NRXN1: variants seen among roughly 807,000 people sequenced by gnomAD.
NRXN1 encodes the protein neurexin-1.
NRXN1 carries 39 observed loss-of-function variants against 150.9 expected under a neutral mutation model. The observed-to-expected ratio is 0.26, with a 90% CI of 0.20 to 0.34. NRXN1 has a LOEUF of 0.34. NRXN1 is among the 10% of genes least tolerant of loss of function. The pLI is 1.00. For synonymous variants in NRXN1, 924 were observed against 757.0 expected (o/e 1.22, Z -3.62); for missense variants, 1,815 against 1,949.9 (o/e 0.93, Z 1.30).
intron 18 of NRXN1, among the ~76,000 whole-genome samples, chr2:50,121,188 A>AT (rs1053220994): frequency 2.0e-5 from 3 of 151,842 alleles, no homozygotes; most frequent in African/African-American, 4.8e-5. Flanking sequence ...AACCTAGCTA[A>AT]TTTTTTGTAT....
chr2:50,324,565 C>T (rs146509344), intron 17 of NRXN1, among the ~76,000 whole-genome samples: 1 of 152,158 alleles, frequency 6.6e-6, no homozygotes, highest in African/African-American at 2.4e-5. Flanking sequence ...TTATTTGAGA[C>T]GGAGTCTCGC....
intron 19 of NRXN1, among the ~76,000 whole-genome samples, chr2:50,072,146 G>C (rs1278724574): frequency 6.6e-6 from 1 of 152,124 alleles, no homozygotes; most frequent in East Asian, 1.9e-4. Context: ...TTTTCTTGAA[G>C]AAAACAAAGT....
At chr2:49,927,808 T>C (rs1669364432) in intron 22 of NRXN1, among the ~76,000 whole-genome samples, 1 of 152,162 alleles carries the variant, frequency 6.6e-6, no homozygotes, top group Non-Finnish European at 1.5e-5. Flanking sequence ...ATCACTCAAA[T>C]TGTCATTTTT....
chr2:50,538,233 C>A lies in NRXN1; in HGVS notation c.2143+20G>T. On this transcript the variant is annotated intron_variant, in intron 10 of 22. Coordinates refer to ENST00000401669, the MANE Select transcript of NRXN1 (RefSeq NM_001330078.2). ...ACTTTTCATCTCAGGGAGTTGGCTG[C>A]TGGGGTTTTAGAATCCTACCTCTCT... 1.9e-6 allele frequency: 3 copies of A among 1,597,214 alleles called. No homozygotes were observed. The highest frequency in any genetic ancestry group is 1.7e-4 in the Middle Eastern group (1 of 5,884).
rs190062865 is a variant in NRXN1, at chr2:50,760,062, T to C, written c.833-136447A>G. ...CACTTCAAGAAACTCTATTTAGTGGTGACTGCACATAGTTCATTTTTTAAA... is the reference window on the plus strand; with the variant it reads ...CACTTCAAGAAACTCTATTTAGTGGCGACTGCACATAGTTCATTTTTTAAA... On this transcript the variant is annotated intron_variant, in intron 5 of 22. Transcript: ENST00000401669. Among the ~76,000 whole-genome samples the C allele has an allele frequency of 1.8e-3, 270 of 152,020 alleles. 1 individual carries two copies. The highest frequency in any genetic ancestry group is 0.015 in the Admixed American group (225 of 15,234).
intron 2 of NRXN1, among the ~76,000 whole-genome samples, chr2:51,020,870 A>T (rs757189974): frequency 3.3e-5 from 5 of 152,090 alleles, no homozygotes; most frequent in Non-Finnish European, 7.4e-5. Flanking sequence ...CATGGTACTC[A>T]TTCCAGTATT....
intron 5 of NRXN1, among the ~76,000 whole-genome samples, chr2:50,725,862 T>TG (rs1697295381): frequency 6.6e-6 from 1 of 152,142 alleles, no homozygotes; most frequent in Non-Finnish European, 1.5e-5. Flanking sequence ...TTCAAGATAA[T>TG]ATTTGTAAAA....
chr2:50,424,357 T>C (rs2084308365), intron 17 of NRXN1, among the ~76,000 whole-genome samples: 2 of 132,414 alleles, frequency 1.5e-5, no homozygotes, highest in Non-Finnish European at 1.5e-5. Context: ...AAATAAATTT[T>C]GGGAGAGAAA....
intron 12 of NRXN1, among the ~76,000 whole-genome samples, chr2:50,519,234 A>G (rs1426805734): frequency 6.6e-6 from 1 of 151,956 alleles, no homozygotes; most frequent in Non-Finnish European, 1.5e-5. Context: ...ATTATTAGCT[A>G]AACCCTTCTT....
chr2:50,525,521 T>C (rs1478316217), intron 12 of NRXN1, among the ~76,000 whole-genome samples: 1 of 152,166 alleles, frequency 6.6e-6, no homozygotes, highest in Admixed American at 6.5e-5. Context: ...TTGCAGCCCA[T>C]GGATTTGGAA....
chr2:50,475,494 T>C (rs528014007), intron 15 of NRXN1, among the ~76,000 whole-genome samples: 1 of 152,242 alleles, frequency 6.6e-6, no homozygotes, highest in South Asian at 2.1e-4. Flanking sequence ...AATCCCTATG[T>C]TTTTCTATTA....
At chr2:50,859,036 T>C (rs1462060860) in intron 5 of NRXN1, among the ~76,000 whole-genome samples, 1 of 152,154 alleles carries the variant, frequency 6.6e-6, no homozygotes, top group African/African-American at 2.4e-5. Flanking sequence ...AATGGCATTA[T>C]TCTTTCATTA....
chr2:50,494,149 A>C (rs2091425620), intron 15 of NRXN1, among the ~76,000 whole-genome samples: 1 of 152,220 alleles, frequency 6.6e-6, no homozygotes, highest in Non-Finnish European at 1.5e-5. Context: ...GAAGAAATAC[A>C]ATCCATTGTC....
intron 18 of NRXN1, among the ~76,000 whole-genome samples, chr2:50,152,465 T>C (rs2058752530): frequency 1.3e-5 from 2 of 151,760 alleles, no homozygotes; most frequent in African/African-American, 4.8e-5. Flanking sequence ...AGGCCCCCAG[T>C]GCACACCTGA....
chr2:50,599,107 C>G (rs1269533007), intron 8 of NRXN1, among the ~76,000 whole-genome samples: 1 of 152,034 alleles, frequency 6.6e-6, no homozygotes, highest in Non-Finnish European at 1.5e-5. Context: ...CATCAACTAC[C>G]TCATTTAACA....
chr2:50,679,853 C>A (rs1690107499), intron 5 of NRXN1, among the ~76,000 whole-genome samples: 1 of 152,038 alleles, frequency 6.6e-6, no homozygotes, highest in South Asian at 2.1e-4. Context: ...TCAGTAGAGG[C>A]CAGGTGCAGT....
chr2:50,940,059 T>A (rs184258981), intron 2 of NRXN1, among the ~76,000 whole-genome samples: 1 of 152,226 alleles, frequency 6.6e-6, no homozygotes, highest in East Asian at 1.9e-4. Context: ...ACCTACGAAA[T>A]AGAATTATTT....
chr2:50,352,768 A>AAT (rs756468643), intron 17 of NRXN1, among the ~76,000 whole-genome samples: 4,307 of 124,642 alleles, frequency 0.035, 110 homozygotes, highest in African/African-American at 0.076. Flanking sequence ...TAATAATAAT[A>AAT]ATAATAATAT....
intron 5 of NRXN1, among the ~76,000 whole-genome samples, chr2:50,731,985 G>A (rs1017315593): frequency 6.6e-6 from 1 of 152,044 alleles, no homozygotes; most frequent in African/African-American, 2.4e-5. Flanking sequence ...CTTCATCTGG[G>A]TCATAAAAGT....
Sources: gnomAD v4.1 joint callset for allele counts (sites outside exome capture counted in the v4.1 genomes callset) on GRCh38, gnomAD v4.1.1 for gene constraint, MANE v1.5 for transcripts, NCBI Gene and HGNC (gene_info 2026-07-23, HGNC 2026-07-21) for gene names.